AAK1: variants seen among roughly 807,000 people sequenced by gnomAD.
AAK1 encodes the protein AP2-associated protein kinase 1.
Under a neutral mutation model 116.0 loss-of-function variants are expected in AAK1, and 37 were observed. That is an observed-to-expected ratio of 0.32 (90% confidence interval 0.25 to 0.42). AAK1 has a LOEUF of 0.42. AAK1 is among the 10% of genes least tolerant of loss of function. The pLI is 1.00. For synonymous variants in AAK1, 458 were observed against 439.9 expected (o/e 1.04, Z -0.51); for missense variants, 919 against 1,170.6 (o/e 0.79, Z 3.14).
intron 16 of AAK1, among the ~76,000 whole-genome samples, chr2:69,500,702 C>T (rs57747762): frequency 0.021 from 1,557 of 74,926 alleles, 9 homozygotes; most frequent in African/African-American, 0.04. Context: ...TATATATACA[C>T]ACACACACAC....
chr2:69,621,286 G>A (rs1674612222), intron 2 of AAK1, among the ~76,000 whole-genome samples: 1 of 152,064 alleles, frequency 6.6e-6, no homozygotes, highest in South Asian at 2.1e-4. Context: ...GACCAGCTTC[G>A]CCAACATGGT....
At chr2:69,591,517 C>CTT (rs200675453) in intron 2 of AAK1, among the ~76,000 whole-genome samples, 3,980 of 134,426 alleles carry the variant, frequency 0.03, 189 homozygotes, top group East Asian at 0.14. Context: ...TTCTTTTTTT[C>CTT]TTTTTCTTTT....
intron 2 of AAK1, among the ~76,000 whole-genome samples, chr2:69,608,847 G>A (rs567323183): frequency 2.6e-4 from 39 of 152,068 alleles, no homozygotes; most frequent in African/African-American, 8.9e-4. Flanking sequence ...AATATGAAAG[G>A]GAAATAAATC....
At position 69,514,483 on chromosome 2, in the gene AAK1, G is replaced by A. The variant is rs147908745; in HGVS notation, c.1764C>T (p.Ala588=). Residue 588 remains alanine (A), a synonymous_variant, in exon 13 of 22, where the codon GCC becomes GCT. Coordinates refer to ENST00000409085, the MANE Select transcript of AAK1 (RefSeq NM_014911.5). Reference sequence around the variant, plus strand: ...GGTTGATTCTTACCGCTGGCTCCTGGGCAGGGGCTGGCTGTGGGGCTGCAG... The same window carrying A: ...GGTTGATTCTTACCGCTGGCTCCTGAGCAGGGGCTGGCTGTGGGGCTGCAG... ...QPAAAPQPAP[A]QEPAIQAPVR... The A allele has an allele frequency of 2.2e-5, 34 of 1,546,604 alleles. No individual in the cohort carries two copies. The Middle Eastern group carries it at 8.7e-4, about 40-fold the overall frequency.
rs1218558812 is a variant in AAK1 at position 69,527,205 on chromosome 2, C to G, written c.975+11G>C. 10 of 1,566,746 alleles carry G rather than the reference C, an allele frequency of 6.4e-6. No individual in the cohort carries two copies. In the Middle Eastern group the frequency reaches 1.5e-3, roughly 236 times the overall value. ...AATGTTTACTCCCTTTAAATAGCACCATTCACGTACCTGTACATTTGGAAT... is the reference window on the plus strand; with the variant it reads ...AATGTTTACTCCCTTTAAATAGCACGATTCACGTACCTGTACATTTGGAAT... On this transcript the variant is annotated intron_variant, in intron 9 of 21. Coordinates refer to ENST00000409085, the MANE Select transcript of AAK1 (RefSeq NM_014911.5).
At chr2:69,636,442 T>C (rs139334835) in intron 2 of AAK1, among the ~76,000 whole-genome samples, 1 of 152,348 alleles carries the variant, frequency 6.6e-6, no homozygotes, top group African/African-American at 2.4e-5. Flanking sequence ...TAGCTAATGA[T>C]AGCAGGACAT....
chr2:69,466,398 T>A lies in AAK1; in HGVS notation c.*9471A>T, dbSNP rs1468291376. On this transcript the variant is annotated 3_prime_UTR_variant, in exon 22 of 22. Coordinates refer to ENST00000409085, the MANE Select transcript of AAK1 (RefSeq NM_014911.5). ...GAATGAGCTGTTGCTTGAAGGGCCA[T>A]CTCTGGCCAAGTAGTCAGATTCTAA... 7.8e-7 allele frequency: 1 copy of A among 1,289,706 alleles called. No individual in the cohort carries two copies. Among genetic ancestry groups the A allele is most frequent in the East Asian group, 5.5e-5 (1 of 18,030 alleles). 79.9% of individuals were successfully genotyped at this position (1,289,706 alleles called of 1,614,324 possible). A position where few individuals can be genotyped will look rare whatever the true frequency, so the allele number is the denominator to read the frequency against.
rs1199592731 is a variant in AAK1, at chr2:69,466,270, T to G, written c.*9599A>C. 7.8e-7 allele frequency: 1 copy of G among 1,289,808 alleles called. No homozygotes were observed. The highest frequency in any genetic ancestry group is 2.3e-5 in the Admixed American group (1 of 43,572). The allele number at this position is 1,289,808 out of a possible 1,614,324, so 79.9% of individuals were successfully genotyped here. On this transcript the variant is annotated 3_prime_UTR_variant, in exon 22 of 22. Transcript: ENST00000409085. ...CCTCCCAGCTTCCCCGGGGGGGGTC[T>G]GCAGCTCTCATCTTCTTCTTCAGAC... is the stretch of plus-strand genomic sequence containing the variant.
At chr2:69,557,105 G>C in intron 2 of AAK1, 127 bp from the exon 3 acceptor site, 1 of 684,004 alleles carries the variant, frequency 1.5e-6, no homozygotes, top group Non-Finnish European at 2.6e-6. Flanking sequence ...CAGCCTTTAG[G>C]GCTAGCCTGT....
At chr2:69,495,964 A>G (rs1354057570) in intron 17 of AAK1, 21 bp downstream of exon 17, 6 of 1,545,226 alleles carry the variant, frequency 3.9e-6, no homozygotes, top group Middle Eastern at 1.7e-4. Context: ...GCTTAACCTC[A>G]GAACAGTTCT....
rs547055943 is a variant in AAK1 at position 69,602,887 on chromosome 2, A to C, written c.163+39991T>G. Among the ~76,000 whole-genome samples, 37 of 152,378 alleles carry C rather than the reference A, an allele frequency of 2.4e-4. No individual in the cohort carries two copies. In the South Asian group the frequency reaches 7.5e-3, roughly 31 times the overall value. Reference sequence around the variant, plus strand: ...CTCATTTATTTTATGGAGCAAGTTAAGTACAGCCCTAATACCAAAACTCTG... The same window carrying C: ...CTCATTTATTTTATGGAGCAAGTTACGTACAGCCCTAATACCAAAACTCTG... On this transcript the variant is annotated intron_variant, in intron 2 of 21. Coordinates refer to ENST00000409085, the MANE Select transcript of AAK1 (RefSeq NM_014911.5).
chr2:69,477,488 G>GA (rs35779207), intron 20 of AAK1, among the ~76,000 whole-genome samples: 24 of 151,884 alleles, frequency 1.6e-4, no homozygotes, highest in Non-Finnish European at 3.4e-4. Context: ...CTGTGACTGG[G>GA]AAAAAAAGAC....
At chr2:69,619,092 C>T (rs1476513380) in intron 2 of AAK1, among the ~76,000 whole-genome samples, 1 of 152,182 alleles carries the variant, frequency 6.6e-6, no homozygotes, top group African/African-American at 2.4e-5. Flanking sequence ...TGAATCAATG[C>T]TAAATCCACC....
chr2:69,475,869 C>T lies in AAK1; in HGVS notation c.2886G>A (p.Ter962=), dbSNP rs767588057. ...AACTGCATCTGCTACTGGGTCACGG[C>T]TACAGGTCTATGAGCTGATCCACCA... ...LLLVDQLIDL[*] is the part of the protein sequence containing the mutation. Residue 962 remains the stop codon, a stop_retained_variant, in exon 22 of 22, where the codon TAG becomes TAA. Transcript: ENST00000409085. 16 of 1,610,794 alleles carry T rather than the reference C, an allele frequency of 9.9e-6. No individual in the cohort carries two copies. The highest frequency in any genetic ancestry group is 1.7e-5 in the Admixed American group (1 of 59,602).
chr2:69,593,215 T>C (rs993878521), intron 2 of AAK1, among the ~76,000 whole-genome samples: 1 of 152,200 alleles, frequency 6.6e-6, no homozygotes, highest in African/African-American at 2.4e-5. Flanking sequence ...TATTTAAAGA[T>C]GCTTTATGCA....
In AAK1 at chr2:69,531,244, C is replaced by T. The variant is rs568579994; in HGVS notation, c.657-538G>A. ...GAAAAAAGTAGTATAAGCACGTCCT[C>T]GAAGTGAGTGTCTTGGTGTTACCAA... is the stretch of plus-strand genomic sequence containing the variant. On this transcript the variant is annotated intron_variant, in intron 6 of 21. Coordinates refer to ENST00000409085, the MANE Select transcript of AAK1 (RefSeq NM_014911.5). 4.6e-5 allele frequency among the ~76,000 whole-genome samples: 7 copies of T among 152,228 alleles called. No individual in the cohort carries two copies. The South Asian group carries it at 8.3e-4, about 18-fold the overall frequency.
rs1236380709 is a variant in AAK1, at chr2:69,466,725, ACAAT to A, written c.*9140_*9143del. The A allele has an allele frequency of 1.0e-6, 1 of 985,334 alleles. No homozygotes were observed. Among genetic ancestry groups the A allele is most frequent in the Non-Finnish European group, 1.2e-6 (1 of 829,932 alleles). The allele number at this position is 985,334 out of a possible 1,614,324, so 61.0% of individuals were successfully genotyped here. On this transcript the variant is annotated 3_prime_UTR_variant, in exon 22 of 22. Transcript: ENST00000409085. ...AAGGAAACTGCACACAAACTGGAACACAATCAACCACTGTCTCACGTTTTGGAAC... is the reference window on the plus strand; with the variant it reads ...AAGGAAACTGCACACAAACTGGAACACAACCACTGTCTCACGTTTTGGAAC...
intron 17 of AAK1, among the ~76,000 whole-genome samples, chr2:69,492,115 A>G (rs1235068306): frequency 6.6e-6 from 1 of 152,192 alleles, no homozygotes; most frequent in African/African-American, 2.4e-5. Context: ...CCCAGTATCT[A>G]TAAGATCAAA....
At chr2:69,637,706 C>A (rs1197637968) in intron 2 of AAK1, among the ~76,000 whole-genome samples, 1 of 152,108 alleles carries the variant, frequency 6.6e-6, no homozygotes, top group Non-Finnish European at 1.5e-5. Context: ...GGTACTAGTC[C>A]CCTTTCCGAA....
Sources: allele counts gnomAD v4.1 joint callset (sites outside exome capture counted in the v4.1 genomes callset), GRCh38; gene constraint gnomAD v4.1.1; transcripts MANE v1.5; gene names NCBI Gene and HGNC (gene_info 2026-07-23, HGNC 2026-07-21).